Variants in TSNARE1 observed in about 807,000 individuals in gnomAD.
TSNARE1 encodes t-SNARE domain-containing protein 1.
Under a neutral mutation model 62.0 loss-of-function variants are expected in TSNARE1, and 49 were observed. That is an observed-to-expected ratio of 0.79 (90% CI 0.63 to 1.00). TSNARE1 has a LOEUF of 1.00. Ranked by LOEUF, TSNARE1 falls within the 50% of genes least tolerant of loss-of-function variation. The pLI is 0.00. For synonymous variants in TSNARE1, 328 were observed against 294.4 expected (o/e 1.11, Z -1.17); for missense variants, 755 against 700.1 (o/e 1.08, Z -0.88).
At chr8:142,332,876 A>AGCTC (rs926692790) in intron 4 of TSNARE1, among the ~76,000 whole-genome samples, 60 of 152,298 alleles carry the variant, frequency 3.9e-4, no homozygotes, top group African/African-American at 1.4e-3. Flanking sequence ...GAGCACTCCC[A>AGCTC]GCTCCCAGCA....
chr8:142,281,514 G>A (rs558630677), intron 11 of TSNARE1, among the ~76,000 whole-genome samples: 3 of 151,978 alleles, frequency 2.0e-5, no homozygotes, highest in Non-Finnish European at 2.9e-5. Flanking sequence ...CAGGGCTGCT[G>A]TGTGACTACA....
At chr8:142,277,748 C>T (rs1820741791) in intron 11 of TSNARE1, 8 of 985,308 alleles carry the variant, frequency 8.1e-6, no homozygotes, top group Non-Finnish European at 8.4e-6. Flanking sequence ...CCTGGAGTGG[C>T]TGATCCACCA....
chr8:142,333,092 G>A (rs970309163), intron 4 of TSNARE1, among the ~76,000 whole-genome samples: 8 of 152,252 alleles, frequency 5.3e-5, no homozygotes, highest in Non-Finnish European at 1.2e-4. Context: ...CCAGGCTGGG[G>A]AACTGGGGCA....
chr8:142,273,538 C>A, intron 12 of TSNARE1: 1 of 985,442 alleles, frequency 1.0e-6, no homozygotes, highest in Non-Finnish European at 1.2e-6. Context: ...CTGCAGGTGA[C>A]CTTGGCACAG....
At chr8:142,280,048 C>T in intron 11 of TSNARE1, 2 of 1,236,056 alleles carry the variant, frequency 1.6e-6, no homozygotes, top group African/African-American at 1.6e-5. Flanking sequence ...GCGGCAGTAG[C>T]CCAGCGCGTT....
At chr8:142,363,471 C>G (rs1353584890) in intron 1 of TSNARE1, among the ~76,000 whole-genome samples, 1 of 152,200 alleles carries the variant, frequency 6.6e-6, no homozygotes, top group Non-Finnish European at 1.5e-5. Flanking sequence ...GAGCCTGGCT[C>G]CACTGCACCC....
At chr8:142,220,970 A>G (rs894642750) in intron 13 of TSNARE1, among the ~76,000 whole-genome samples, 3 of 152,190 alleles carry the variant, frequency 2.0e-5, no homozygotes, top group African/African-American at 7.2e-5. Flanking sequence ...CACTCAATAA[A>G]TGGCAGCTAT....
intron 10 of TSNARE1, among the ~76,000 whole-genome samples, chr8:142,285,591 C>T (rs553479759): frequency 8.3e-4 from 120 of 143,722 alleles, no homozygotes; most frequent in African/African-American, 3.0e-3. Flanking sequence ...AGTGAATGGA[C>T]GGTATGTGGA....
At chr8:142,396,484 T>C (rs574194272) in intron 1 of TSNARE1, among the ~76,000 whole-genome samples, 2 of 152,316 alleles carry the variant, frequency 1.3e-5, no homozygotes, top group Admixed American at 1.3e-4. Context: ...CTCTGGAACA[T>C]CATCTCAAGA....
intron 7 of TSNARE1, 135 bp from the exon 8 acceptor site, chr8:142,315,227 C>T: frequency 5.9e-6 from 5 of 842,958 alleles, no homozygotes; most frequent in Non-Finnish European, 9.4e-6. Context: ...ACTACTTCCC[C>T]TCCGTGTCAC....
chr8:142,234,435 G>C (rs889687927), intron 12 of TSNARE1, among the ~76,000 whole-genome samples: 1 of 151,934 alleles, frequency 6.6e-6, no homozygotes, highest in East Asian at 1.9e-4. Flanking sequence ...CACGGGTTCA[G>C]GGAAGGTTCC....
chr8:142,303,366 C>A (rs13255588), intron 9 of TSNARE1, among the ~76,000 whole-genome samples: 1 of 152,026 alleles, frequency 6.6e-6, no homozygotes. Flanking sequence ...AACCGCCCAG[C>A]CTGGGTCCCG....
chr8:142,313,580 T>C (rs929092115), intron 9 of TSNARE1, among the ~76,000 whole-genome samples: 6 of 152,222 alleles, frequency 3.9e-5, no homozygotes, highest in Admixed American at 2.0e-4. Flanking sequence ...CATCTGTGTT[T>C]ATCTGCATGT....
At chr8:142,218,620 CT>C (rs1446247000) in intron 13 of TSNARE1, among the ~76,000 whole-genome samples, 1 of 152,222 alleles carries the variant, frequency 6.6e-6, no homozygotes, top group Non-Finnish European at 1.5e-5. Flanking sequence ...GCATCTGCCC[CT>C]GTTGACTGCC....
In TSNARE1 at chr8:142,230,848, C is replaced by G. The variant is rs571708742; in HGVS notation, c.1447-1269G>C. Among the ~76,000 whole-genome samples, 9 of 152,122 alleles carry G rather than the reference C, an allele frequency of 5.9e-5. No homozygotes were observed. In the East Asian group the frequency reaches 1.7e-3, roughly 30 times the overall value. On this transcript the variant is annotated intron_variant, in intron 12 of 13. Coordinates refer to ENST00000524325, the MANE Select transcript of TSNARE1 (RefSeq NM_145003.5). ...TCCACCCACCTATCCATCCACCCATCTACCCATCAATTCATCTATCCATCC... is the reference window on the plus strand; with the variant it reads ...TCCACCCACCTATCCATCCACCCATGTACCCATCAATTCATCTATCCATCC...
chr8:142,313,653 A>G (rs936521052), intron 9 of TSNARE1, among the ~76,000 whole-genome samples: 9 of 149,638 alleles, frequency 6.0e-5, no homozygotes, highest in Admixed American at 4.6e-4. Context: ...CTGTCTCTGC[A>G]AGTCTCTGTG....
chr8:142,347,811 T>C (rs1198834039), intron 2 of TSNARE1, among the ~76,000 whole-genome samples: 1 of 133,708 alleles, frequency 7.5e-6, no homozygotes, highest in East Asian at 2.2e-4. Context: ...CCACACTGCA[T>C]CCGCTCACCC....
intron 1 of TSNARE1, among the ~76,000 whole-genome samples, chr8:142,392,933 A>G (rs1317010979): frequency 1.4e-5 from 2 of 147,798 alleles, no homozygotes; most frequent in African/African-American, 2.5e-5. Context: ...CTCCGTCTCA[A>G]AAAAGGAGAA....
intron 12 of TSNARE1, among the ~76,000 whole-genome samples, chr8:142,254,026 G>A (rs1346036137): frequency 2.6e-5 from 4 of 152,234 alleles, no homozygotes; most frequent in East Asian, 1.9e-4. Context: ...TCAATTCCAC[G>A]CAGAGATATT....
Sources: allele counts gnomAD v4.1 joint callset (sites outside exome capture counted in the v4.1 genomes callset), GRCh38; gene constraint gnomAD v4.1.1; transcripts MANE v1.5; gene names NCBI Gene and HGNC (gene_info 2026-07-23, HGNC 2026-07-21).